The following RSPO3 variants were observed in gnomAD, a reference collection of about 807,000 sequenced individuals.
RSPO3 encodes R-spondin 3, also known as R-spondin-3.
RSPO3 carries 17 observed loss-of-function variants against 36.5 expected under a neutral mutation model. That is an observed-to-expected ratio of 0.47 (90% CI 0.32 to 0.70). The LOEUF (loss-of-function observed/expected upper bound fraction) is 0.70, where lower values mean the gene tolerates loss of function less well. Among genes scored for constraint, RSPO3 ranks in the 30% least tolerant of loss-of-function variants. RSPO3 has a pLI of 0.04. For missense variants in RSPO3, 294 were observed against 322.5 expected (o/e 0.91, Z 0.68); for synonymous variants, 108 against 107.0 (o/e 1.01, Z -0.06).
At chr6:127,191,486 A>G (rs1052755954) in intron 4 of RSPO3, among the ~76,000 whole-genome samples, 1 of 152,212 alleles carries the variant, frequency 6.6e-6, no homozygotes, top group Non-Finnish European at 1.5e-5. Flanking sequence ...AGAAGGCCAT[A>G]GGAAATGTTT....
chr6:127,144,132 T>C (rs760135191), intron 1 of RSPO3, among the ~76,000 whole-genome samples: 10 of 152,186 alleles, frequency 6.6e-5, no homozygotes, highest in Admixed American at 1.3e-4. Context: ...TACACCCTTT[T>C]TGTACAACTA....
intron 1 of RSPO3, among the ~76,000 whole-genome samples, chr6:127,127,442 A>T (rs1254007108): frequency 6.6e-6 from 1 of 152,182 alleles, no homozygotes; most frequent in Non-Finnish European, 1.5e-5. Flanking sequence ...AGCCACTGTT[A>T]TATTTATGTA....
intron 1 of RSPO3, among the ~76,000 whole-genome samples, chr6:127,119,663 G>C (rs1276661363): frequency 1.3e-5 from 2 of 152,254 alleles, no homozygotes; most frequent in Non-Finnish European, 2.9e-5. Flanking sequence ...CCAGACGCAG[G>C]ATGCCTCTGA....
chr6:127,150,623 G>A, intron 3 of RSPO3, 51 bp downstream of exon 3: 1 of 1,543,006 alleles, frequency 6.5e-7, no homozygotes, highest in Middle Eastern at 1.7e-4. Flanking sequence ...AGTCTCCATG[G>A]AGGTGCTTTT....
chr6:127,172,110 C>A lies in RSPO3; in HGVS notation c.634+16672C>A, dbSNP rs1431065967. Among the ~76,000 whole-genome samples the A allele has an allele frequency of 2.8e-4, 38 of 134,518 alleles. No homozygotes were observed. The Admixed American group carries it at 2.9e-3, about 10-fold the overall frequency. 88.2% of individuals were successfully genotyped at this position (134,518 alleles called of 152,430 possible). On this transcript the variant is annotated intron_variant, in intron 4 of 4. Transcript: ENST00000356698. Reference sequence around the variant, plus strand: ...GAAGTACTTTTAATTCATCATATTACATATTGTATTGCCATGAAACTCTAT... The same window carrying A: ...GAAGTACTTTTAATTCATCATATTAAATATTGTATTGCCATGAAACTCTAT...
chr6:127,191,789 C>T (rs747359460), intron 4 of RSPO3, among the ~76,000 whole-genome samples: 1 of 152,176 alleles, frequency 6.6e-6, no homozygotes, highest in Admixed American at 6.5e-5. Flanking sequence ...CAGAAACATC[C>T]AAACTCTGGC....
chr6:127,191,104 C>A (rs188665083), intron 4 of RSPO3, among the ~76,000 whole-genome samples: 2 of 151,936 alleles, frequency 1.3e-5, no homozygotes, highest in African/African-American at 2.4e-5. Context: ...AAAAAGATAA[C>A]CTGCAATTAA....
At chr6:127,142,055 G>T (rs73773201) in intron 1 of RSPO3, among the ~76,000 whole-genome samples, 2 of 151,986 alleles carry the variant, frequency 1.3e-5, no homozygotes, top group African/African-American at 4.8e-5. Context: ...AAATGGCAGG[G>T]TCTGTATATA....
At chr6:127,180,002 A>T (rs1391321089) in intron 4 of RSPO3, among the ~76,000 whole-genome samples, 4 of 151,920 alleles carry the variant, frequency 2.6e-5, no homozygotes, top group African/African-American at 9.7e-5. Context: ...AGATGCTAGA[A>T]GTGAAAATAA....
intron 4 of RSPO3, among the ~76,000 whole-genome samples, chr6:127,169,347 T>C (rs1466961530): frequency 2.0e-5 from 3 of 151,882 alleles, no homozygotes; most frequent in Non-Finnish European, 2.9e-5. Context: ...ACAAACATTA[T>C]AGGTGACAGT....
chr6:127,172,834 A>G lies in RSPO3; in HGVS notation c.634+17396A>G, dbSNP rs1582807531. On this transcript the variant is annotated intron_variant, in intron 4 of 4. Transcript: ENST00000356698. ...GCTTTGAGTGTGAGTAGTAGATTTC[A>G]CACTCAAAGACCAGGACTCACACTC... Among the ~76,000 whole-genome samples, 4 of 151,786 alleles carry G rather than the reference A, an allele frequency of 2.6e-5. No individual in the cohort carries two copies. In the South Asian group the frequency reaches 8.3e-4, roughly 31 times the overall value.
chr6:127,186,628 A>G (rs1237192378), intron 4 of RSPO3, among the ~76,000 whole-genome samples: 8 of 152,270 alleles, frequency 5.3e-5, no homozygotes, highest in South Asian at 2.1e-4. Flanking sequence ...TTGAAAATTC[A>G]TATTTTTAAA....
At chr6:127,193,493 G>T (rs2114278643) in intron 4 of RSPO3, among the ~76,000 whole-genome samples, 1 of 152,132 alleles carries the variant, frequency 6.6e-6, no homozygotes, top group African/African-American at 2.4e-5. Context: ...TTTTGCTTGG[G>T]GTCAGTAGTT....
rs1775060013 is a variant in RSPO3 at position 127,176,562 on chromosome 6, A to C, written c.635-19261A>C. Among the ~76,000 whole-genome samples the C allele has an allele frequency of 2.6e-5, 4 of 151,486 alleles. No homozygotes were observed. The South Asian group carries it at 8.3e-4, about 31-fold the overall frequency. On this transcript the variant is annotated intron_variant, in intron 4 of 4. Coordinates refer to ENST00000356698, the MANE Select transcript of RSPO3 (RefSeq NM_032784.5). ...TGACTATTTTTGATACGGTCAAACAAATACAAAGAATAAGCTTTTAAAAAA... is the reference window on the plus strand; with the variant it reads ...TGACTATTTTTGATACGGTCAAACACATACAAAGAATAAGCTTTTAAAAAA...
intron 1 of RSPO3, among the ~76,000 whole-genome samples, chr6:127,128,193 A>G (rs950381807): frequency 1.3e-5 from 2 of 152,054 alleles, no homozygotes; most frequent in African/African-American, 4.8e-5. Context: ...TTATCCAGAA[A>G]AAGTTATCTT....
intron 1 of RSPO3, among the ~76,000 whole-genome samples, chr6:127,136,449 T>C (rs937065058): frequency 1.3e-5 from 2 of 152,210 alleles, no homozygotes; most frequent in African/African-American, 2.4e-5. Context: ...ATTCTATTCC[T>C]GGGAATGAGG....
At chr6:127,169,772 G>A (rs1009843233) in intron 4 of RSPO3, among the ~76,000 whole-genome samples, 1 of 151,780 alleles carries the variant, frequency 6.6e-6, no homozygotes, top group Non-Finnish European at 1.5e-5. Context: ...GAACTGTGTT[G>A]ACGGTGTTAA....
chr6:127,159,934 C>A (rs1774675892), intron 4 of RSPO3, among the ~76,000 whole-genome samples: 4 of 152,080 alleles, frequency 2.6e-5, no homozygotes, highest in Admixed American at 2.6e-4. Flanking sequence ...CAGGCATGAG[C>A]CACCATGCCT....
chr6:127,152,228 A>G (rs559514797), intron 3 of RSPO3, among the ~76,000 whole-genome samples: 6 of 152,278 alleles, frequency 3.9e-5, no homozygotes, highest in South Asian at 4.1e-4. Context: ...CCAAAGGCCA[A>G]TTACTGAGTT....
Sources: gnomAD v4.1 joint callset for allele counts (sites outside exome capture counted in the v4.1 genomes callset) on GRCh38, gnomAD v4.1.1 for gene constraint, MANE v1.5 for transcripts, NCBI Gene and HGNC (gene_info 2026-07-23, HGNC 2026-07-21) for gene names.